Variants in DYNC1LI1 observed in about 807,000 individuals in gnomAD.
The protein encoded by DYNC1LI1 is cytoplasmic dynein 1 light intermediate chain 1.
DYNC1LI1 carries 19 observed loss-of-function variants against 63.8 expected under a neutral mutation model. The ratio of observed to expected loss-of-function variants is 0.30; its 90% CI spans 0.21 to 0.44. The LOEUF (loss-of-function observed/expected upper bound fraction) is 0.44. DYNC1LI1 is among the 20% of genes least tolerant of loss of function. DYNC1LI1 has a pLI of 1.00. For synonymous variants in DYNC1LI1, 225 were observed against 232.3 expected (o/e 0.97, Z 0.28); for missense variants, 565 against 630.2 (o/e 0.90, Z 1.11).
At position 32,570,723 on chromosome 3, in the gene DYNC1LI1, T is replaced by A. The variant is rs1336924903; in HGVS notation, c.48A>T (p.Gly16=). Residue 16 remains glycine (G), a synonymous_variant, in exon 1 of 13, where the codon GGA becomes GGT. Transcript: ENST00000273130. ...GGCCGCCAGTGTAAGTCGAGGATAA[T>A]CCCGGCGGAGAAGAACCGAAGGAGC... ...RVGSFGSSPP[G]LSSTYTGGPL... The A allele has an allele frequency of 3.1e-6, 5 of 1,608,242 alleles. No homozygotes were observed. In the East Asian group the frequency reaches 1.1e-4, roughly 36 times the overall value.
At chr3:32,549,365 A>T (rs1559440432) in intron 2 of DYNC1LI1, among the ~76,000 whole-genome samples, 1 of 151,776 alleles carries the variant, frequency 6.6e-6, no homozygotes, top group Non-Finnish European at 1.5e-5. Context: ...ATGTGAAGAG[A>T]TCTATGAATA....
At chr3:32,530,768 C>G in intron 8 of DYNC1LI1, 2 of 427,938 alleles carry the variant, frequency 4.7e-6, no homozygotes, top group Admixed American at 7.4e-5. Flanking sequence ...CCACCAGTGG[C>G]TACTGAGCAC....
At chr3:32,532,940 G>C in intron 8 of DYNC1LI1, 46 bp downstream of exon 8, 1 of 1,510,926 alleles carries the variant, frequency 6.6e-7, no homozygotes, top group South Asian at 1.3e-5. Flanking sequence ...TTCCCCTCAG[G>C]TTAGTCTAAA....
chr3:32,534,258 C>A (rs578053135), intron 7 of DYNC1LI1, among the ~76,000 whole-genome samples: 1 of 152,210 alleles, frequency 6.6e-6, no homozygotes, highest in African/African-American at 2.4e-5. Flanking sequence ...AGATACAATA[C>A]ACTAATATAG....
intron 4 of DYNC1LI1, among the ~76,000 whole-genome samples, chr3:32,543,940 C>T (rs1428711515): frequency 6.6e-6 from 1 of 150,758 alleles, no homozygotes; most frequent in Admixed American, 6.6e-5. Context: ...GTGGTACGTG[C>T]CTGTACTACT....
chr3:32,547,034 G>A (rs1157682935), intron 2 of DYNC1LI1, among the ~76,000 whole-genome samples: 1 of 152,138 alleles, frequency 6.6e-6, no homozygotes, highest in African/African-American at 2.4e-5. Flanking sequence ...CCCGAGGTCA[G>A]GAGTTCAGAC....
At chr3:32,555,531 C>T (rs1031308666) in intron 2 of DYNC1LI1, among the ~76,000 whole-genome samples, 2 of 152,200 alleles carry the variant, frequency 1.3e-5, no homozygotes, top group Non-Finnish European at 2.9e-5. Context: ...CTGTTTTTCT[C>T]TTTTCATGTC....
At position 32,530,213 on chromosome 3, in the gene DYNC1LI1, T is replaced by C. The variant is rs1697676823; in HGVS notation, c.1185+71A>G. The C allele has an allele frequency of 4.7e-6, 6 of 1,263,966 alleles. No individual in the cohort carries two copies. In the Admixed American group the frequency reaches 7.6e-5, roughly 16 times the overall value. The allele number at this position is 1,263,966 out of a possible 1,614,324, so 78.3% of individuals were successfully genotyped here. On this transcript the variant is annotated intron_variant, in intron 10 of 12. Transcript: ENST00000273130. The stretch of plus-strand genomic sequence containing the variant: ...AGCACACCCATATGAAATATGTACA[T>C]AATTAATAAAAAATAACTAAAATAA...
Position 32,537,061 on chromosome 3 carries a change from T to C in DYNC1LI1, c.782A>G (p.Asp261Gly). 1 of 1,600,372 alleles carries C rather than the reference T, an allele frequency of 6.2e-7. No individual in the cohort carries two copies. The highest frequency in any genetic ancestry group is 8.5e-7 in the Non-Finnish European group (1 of 1,174,636). The part of the protein sequence containing the change: ...SVLEKEHDYR[D>G]EHFDFIQSHI... ...TGACTGAATAAAATCAAAATGTTCATCTCTGTAGTCATGTTCTTTCTCCAA... is the reference window on the plus strand; with the variant it reads ...TGACTGAATAAAATCAAAATGTTCACCTCTGTAGTCATGTTCTTTCTCCAA... The change falls in exon 6 of 13, where the codon GAT (aspartate) becomes GGT (glycine). Residue 261 changes from aspartate to glycine, a missense_variant. Asp to Gly is a moderately conservative substitution (Grantham distance 94). Coordinates refer to ENST00000273130, the MANE Select transcript of DYNC1LI1 (RefSeq NM_016141.4).
rs541885770 is a variant in DYNC1LI1 at position 32,556,999 on chromosome 3, T to C, written c.221-11034A>G. 4.4e-4 allele frequency among the ~76,000 whole-genome samples: 67 copies of C among 152,292 alleles called. No individual in the cohort carries two copies. In the South Asian group the frequency reaches 6.6e-3, roughly 15 times the overall value. On this transcript the variant is annotated intron_variant, in intron 2 of 12. Transcript: ENST00000273130. ...TCATCAATAACAGATCAATTAATAG[T>C]GTAAGCTCATAATACATTCCTCCTT... is the stretch of plus-strand genomic sequence containing the variant.
chr3:32,559,235 T>C (rs1330524941), intron 2 of DYNC1LI1, among the ~76,000 whole-genome samples: 1 of 151,830 alleles, frequency 6.6e-6, no homozygotes, highest in Admixed American at 6.6e-5. Flanking sequence ...AAAACTCATA[T>C]ATATATAGTT....
chr3:32,541,336 T>C (rs1697879592), intron 4 of DYNC1LI1, 130 bp from the exon 5 acceptor site: 3 of 599,936 alleles, frequency 5.0e-6, no homozygotes, highest in East Asian at 5.7e-5. Flanking sequence ...CAAAAAGGGT[T>C]TGAGAAACCT....
rs60912161 is a variant in DYNC1LI1, at chr3:32,528,112, C to CAAAAAAAAAAAAAAAAAAA, written c.1462+315_1462+333dup. On this transcript the variant is annotated intron_variant, in intron 12 of 12. Coordinates refer to ENST00000273130, the MANE Select transcript of DYNC1LI1 (RefSeq NM_016141.4). The stretch of plus-strand genomic sequence containing the variant: ...TGGGCAACAGAACAAGACTCCATCT[C>CAAAAAAAAAAAAAAAAAAA]AAAAAAAAAAAAAAAAAAAAAAAAA... Among the ~76,000 whole-genome samples the CAAAAAAAAAAAAAAAAAAA allele has an allele frequency of 3.0e-4, 9 of 29,896 alleles. 2 individuals are homozygous for CAAAAAAAAAAAAAAAAAAA. The highest frequency in any genetic ancestry group is 3.2e-3 in the South Asian group (2 of 630). The allele number at this position is 29,896 out of a possible 152,430, so 19.6% of individuals were successfully genotyped here.
rs1292491355 is a variant in DYNC1LI1, at chr3:32,545,830, T to C, written c.337+19A>G. Reference sequence around the variant, plus strand: ...CCTCAAAATAGACTTCAGAAATTTATGTTACAAATGACACTCACCATCCCT... The same window carrying C: ...CCTCAAAATAGACTTCAGAAATTTACGTTACAAATGACACTCACCATCCCT... On this transcript the variant is annotated intron_variant, in intron 3 of 12. Transcript: ENST00000273130. 3.9e-6 allele frequency: 6 copies of C among 1,529,126 alleles called. No individual in the cohort carries two copies. In the African/African-American group the frequency reaches 8.2e-5, roughly 21 times the overall value. The allele number at this position is 1,529,126 out of a possible 1,614,324, so 94.7% of individuals were successfully genotyped here. A position where few individuals can be genotyped will look rare whatever the true frequency, so the allele number is the denominator to read the frequency against.
At chr3:32,553,729 C>T (rs1698074845) in intron 2 of DYNC1LI1, among the ~76,000 whole-genome samples, 1 of 152,220 alleles carries the variant, frequency 6.6e-6, no homozygotes, top group African/African-American at 2.4e-5. Context: ...ACTAACACAA[C>T]AACTCTGAGG....
chr3:32,542,594 G>A (rs1427954064), intron 4 of DYNC1LI1, among the ~76,000 whole-genome samples: 1 of 152,066 alleles, frequency 6.6e-6, no homozygotes, highest in African/African-American at 2.4e-5. Flanking sequence ...TTTTAGAAAA[G>A]ACGGGGTTTC....
At chr3:32,537,970 AT>A (rs1364714599) in intron 5 of DYNC1LI1, among the ~76,000 whole-genome samples, 1,019 of 4,184 alleles carry the variant, frequency 0.24, 138 homozygotes, top group Non-Finnish European at 0.29. Flanking sequence ...TAATATATAT[AT>A]ATTTATATAT....
In DYNC1LI1 at chr3:32,529,573, C is replaced by A; in HGVS notation, c.1273G>T (p.Ala425Ser). 3 of 1,607,984 alleles carry A rather than the reference C, an allele frequency of 1.9e-6. No individual in the cohort carries two copies. The highest frequency in any genetic ancestry group is 2.5e-6 in the Non-Finnish European group (3 of 1,177,060). Reference protein sequence around the residue: ...SNVASVSPIPAGSKKIDPNMK... With the variant: ...SNVASVSPIPSGSKKIDPNMK... ...TTTGGATCAATTTTTTTTGACCCAGCAGGAATGGGTGACACGCTGGCAACA... is the reference window on the plus strand; with the variant it reads ...TTTGGATCAATTTTTTTTGACCCAGAAGGAATGGGTGACACGCTGGCAACA... The change falls in exon 11 of 13, where the codon GCT (alanine) becomes TCT (serine). Residue 425 changes from alanine to serine, a missense_variant. Transcript: ENST00000273130.
In DYNC1LI1 at chr3:32,570,677, A is replaced by G. The variant is rs148433178; in HGVS notation, c.94T>C (p.Ser32Pro). The G allele has an allele frequency of 2.4e-5, 39 of 1,604,870 alleles. No homozygotes were observed. In the Admixed American group the frequency reaches 6.5e-4, roughly 27 times the overall value. Residue 32 changes from serine to proline, a missense_variant, in exon 1 of 13, where the codon TCG becomes CCG. By Grantham distance (74) the Ser-to-Pro change is moderately conservative. Coordinates refer to ENST00000273130, the MANE Select transcript of DYNC1LI1 (RefSeq NM_016141.4). ...CCTGCCGCGGCGCCACCGTTGCCCG[A>G]CGCTATCTCGTTGCCCAAGGGGCCG... ...TGGPLGNEIA[S>P]GNGGAAAGDD...
Sources: gnomAD v4.1 joint callset for allele counts (sites outside exome capture counted in the v4.1 genomes callset) on GRCh38, gnomAD v4.1.1 for gene constraint, MANE v1.5 for transcripts, NCBI Gene and HGNC (gene_info 2026-07-23, HGNC 2026-07-21) for gene names.